MAP2K5: variants seen among roughly 807,000 people sequenced by gnomAD.
The protein encoded by MAP2K5 is mitogen-activated protein kinase kinase 5, also known as dual specificity mitogen-activated protein kinase kinase 5.
A neutral mutation model predicts 83.1 loss-of-function variants in MAP2K5; 49 were observed. That is an observed-to-expected ratio of 0.59 (90% CI 0.47 to 0.75). The LOEUF (loss-of-function observed/expected upper bound fraction) is 0.75, where lower values mean the gene tolerates loss of function less well. MAP2K5 is among the 30% of genes least tolerant of loss of function. MAP2K5 has a pLI of 0.00. For synonymous variants in MAP2K5, 202 were observed against 191.8 expected, an observed-to-expected ratio of 1.05 and a Z score of -0.44; for missense variants, 457 against 557.5, an observed-to-expected ratio of 0.82 and a Z score of 1.82.
At chr15:67,673,420 AT>A (rs2087597370) in intron 13 of MAP2K5, among the ~76,000 whole-genome samples, 1 of 152,166 alleles carries the variant, frequency 6.6e-6, no homozygotes, top group Non-Finnish European at 1.5e-5. Context: ...AAGATTAAAA[AT>A]GTTATAAGAA....
intron 13 of MAP2K5, among the ~76,000 whole-genome samples, chr15:67,667,057 G>A (rs1327661648): frequency 6.6e-6 from 1 of 152,186 alleles, no homozygotes; most frequent in Non-Finnish European, 1.5e-5. Flanking sequence ...TGTTTTTACT[G>A]AAGCGTCAAA....
In MAP2K5 at chr15:67,769,749, C is replaced by T. The variant is rs1349148006; in HGVS notation, c.1196+86C>T. On this transcript the variant is annotated intron_variant, in intron 20 of 21. Transcript: ENST00000178640. The surrounding 1 kb of genome is among the most constrained non-coding windows in gnomAD (Gnocchi z 5.2). ...CAGCTCCGTGAGACCTTATGGCTCT[C>T]CCTGCATCCTTTTGGAGACAGGAGG... 4 of 1,347,154 alleles carry T rather than the reference C, an allele frequency of 3.0e-6. No homozygotes were observed. Among genetic ancestry groups the T allele is most frequent in the Admixed American group, 1.8e-5 (1 of 55,462 alleles). The allele number at this position is 1,347,154 out of a possible 1,614,324, so 83.5% of individuals were successfully genotyped here. A position where few individuals can be genotyped will look rare whatever the true frequency, so the allele number is the denominator to read the frequency against.
intron 4 of MAP2K5, among the ~76,000 whole-genome samples, chr15:67,585,423 G>A (rs1041700286): frequency 6.6e-6 from 1 of 152,164 alleles, no homozygotes; most frequent in East Asian, 1.9e-4. Context: ...GCTGTGCAAA[G>A]TAGTATTCAA....
intron 19 of MAP2K5, among the ~76,000 whole-genome samples, chr15:67,751,040 CAA>C (rs1347132240): frequency 6.6e-6 from 1 of 151,886 alleles, no homozygotes; most frequent in African/African-American, 2.4e-5. Flanking sequence ...TATGGCCTGG[CAA>C]AGAGTGAAGA....
intron 2 of MAP2K5, among the ~76,000 whole-genome samples, chr15:67,557,057 A>G (rs969820613): frequency 7.2e-5 from 11 of 152,222 alleles, no homozygotes; most frequent in Non-Finnish European, 1.5e-5. Flanking sequence ...TCTGGGTCCT[A>G]CATATGCTGT....
Position 67,769,643 on chromosome 15 carries a change from T to A in MAP2K5, c.1176T>A (p.Phe392Leu). Reference sequence around the variant, plus strand: ...CAGTTGGAGAGTTCTCGGAGCCATTTGTACATTTCATCACTCAGTGGTGAG... The same window carrying A: ...CAGTTGGAGAGTTCTCGGAGCCATTAGTACATTTCATCACTCAGTGGTGAG... ...VLPVGEFSEP[F>L]VHFITQCMRK... Residue 392 changes from phenylalanine to leucine, a missense_variant, in exon 20 of 22, where the codon TTT (phenylalanine) becomes TTA (leucine). Phe to Leu is a conservative substitution (Grantham distance 22). Coordinates refer to ENST00000178640, the MANE Select transcript of MAP2K5 (RefSeq NM_145160.3). This position sits in a 1 kb window ranked among gnomAD's most constrained non-coding sequence, Gnocchi z 5.2. 1 of 1,613,802 alleles carries A rather than the reference T, an allele frequency of 6.2e-7. No individual in the cohort carries two copies. Among genetic ancestry groups the A allele is most frequent in the East Asian group, 2.2e-5 (1 of 44,868 alleles).
chr15:67,711,974 A>G (rs1432132371), intron 16 of MAP2K5, among the ~76,000 whole-genome samples: 1 of 152,254 alleles, frequency 6.6e-6, no homozygotes, highest in Non-Finnish European at 1.5e-5. Context: ...TGCTCATGAA[A>G]ACCCAATAGA....
chr15:67,771,954 A>G (rs1203706317), intron 20 of MAP2K5, among the ~76,000 whole-genome samples: 1 of 152,252 alleles, frequency 6.6e-6, no homozygotes, highest in Admixed American at 6.5e-5. Flanking sequence ...AGCTGCCCAC[A>G]GTCACCTCCA....
At chr15:67,710,920 CA>C (rs1224078683) in intron 16 of MAP2K5, among the ~76,000 whole-genome samples, 1 of 152,220 alleles carries the variant, frequency 6.6e-6, no homozygotes, top group Non-Finnish European at 1.5e-5. Flanking sequence ...GTTCTCTGTA[CA>C]TGTAATATCA....
chr15:67,798,272 A>G (rs1208765855), intron 21 of MAP2K5, among the ~76,000 whole-genome samples: 1 of 152,174 alleles, frequency 6.6e-6, no homozygotes, highest in African/African-American at 2.4e-5. Flanking sequence ...AAACTGCCGG[A>G]GGCAGCCAGC....
intron 17 of MAP2K5, among the ~76,000 whole-genome samples, chr15:67,740,631 C>A (rs1456412768): frequency 6.6e-6 from 1 of 152,030 alleles, no homozygotes; most frequent in African/African-American, 2.4e-5. Flanking sequence ...TCTCAGATTT[C>A]TTTTTCAGTA....
At chr15:67,650,576 A>T (rs191350914) in intron 11 of MAP2K5, among the ~76,000 whole-genome samples, 2 of 148,414 alleles carry the variant, frequency 1.3e-5, no homozygotes, top group Non-Finnish European at 3.0e-5. Flanking sequence ...TTTTATATCT[A>T]TTGAAATAAT....
chr15:67,630,762 T>C (rs2086453642), intron 8 of MAP2K5, 126 bp from the exon 9 acceptor site: 2 of 677,078 alleles, frequency 3.0e-6, no homozygotes, highest in South Asian at 3.3e-5. Flanking sequence ...CTAATGTTGT[T>C]AGTGTTCTTT....
At chr15:67,674,317 GC>G (rs2087625422) in intron 13 of MAP2K5, among the ~76,000 whole-genome samples, 1 of 152,086 alleles carries the variant, frequency 6.6e-6, no homozygotes. Flanking sequence ...CTGGAAGGAG[GC>G]ATTTATGTTA....
At position 67,781,891 on chromosome 15, in the gene MAP2K5, T is replaced by C. The variant is rs2090333923; in HGVS notation, c.1242+9139T>C. Among the ~76,000 whole-genome samples, 1 of 152,166 alleles carries C rather than the reference T, an allele frequency of 6.6e-6. No homozygotes were observed. Among genetic ancestry groups the C allele is most frequent in the South Asian group, 2.1e-4 (1 of 4,834 alleles). On this transcript the variant is annotated intron_variant, in intron 21 of 21. Coordinates refer to ENST00000178640, the MANE Select transcript of MAP2K5 (RefSeq NM_145160.3). This position sits in a 1 kb window ranked among gnomAD's most constrained non-coding sequence, Gnocchi z 4.0. ...GGGATTGGTGTGGCATTGACAAAAA[T>C]TTGTATAAATAGGGTACATTTTTTC...
chr15:67,706,448 G>A (rs1261554540), intron 16 of MAP2K5, among the ~76,000 whole-genome samples: 7 of 151,770 alleles, frequency 4.6e-5, no homozygotes, highest in African/African-American at 1.2e-4. Context: ...GTGTTGGCTC[G>A]TGTGGTAGAG....
intron 21 of MAP2K5, among the ~76,000 whole-genome samples, chr15:67,776,983 C>T (rs1373399218): frequency 6.6e-6 from 1 of 152,192 alleles, no homozygotes; most frequent in East Asian, 1.9e-4. Flanking sequence ...GTTATCTATG[C>T]ATGTGGAGAT....
intron 21 of MAP2K5, among the ~76,000 whole-genome samples, chr15:67,798,421 G>A (rs1047575892): frequency 1.1e-4 from 16 of 152,058 alleles, no homozygotes; most frequent in African/African-American, 3.4e-4. Context: ...CATGAGTGTC[G>A]GCACCCCAAG....
rs113552271 is a variant in MAP2K5 at position 67,546,509 on chromosome 15, C to T, written c.135+3039C>T. On this transcript the variant is annotated intron_variant, in intron 1 of 21. Transcript: ENST00000178640. ...GCTGGGAGACCCTGGGCAAGTCAGT[C>T]GGTCTCTCTGGGCCTTGTCTTTTGT... 2.5e-3 allele frequency: 2,013 copies of T among 816,520 alleles called. 34 individuals carry two copies. The African/African-American group carries it at 0.034, about 14-fold the overall frequency. 50.6% of individuals were successfully genotyped at this position (816,520 alleles called of 1,614,324 possible). A position where few individuals can be genotyped will look rare whatever the true frequency, so the allele number is the denominator to read the frequency against.
Sources: gnomAD v4.1 joint callset for allele counts (sites outside exome capture counted in the v4.1 genomes callset) on GRCh38, gnomAD v4.1.1 for gene constraint, Gnocchi (gnomAD v3.1) non-coding constraint, MANE v1.5 for transcripts, NCBI Gene and HGNC (gene_info 2026-07-23, HGNC 2026-07-21) for gene names.